Variants in LARS1 observed in about 807,000 individuals in gnomAD.
The protein encoded by LARS1 is leucine--tRNA ligase, cytoplasmic.
A neutral mutation model predicts 162.8 loss-of-function variants in LARS1; 100 were observed. The ratio of observed to expected loss-of-function variants is 0.61; its 90% CI spans 0.52 to 0.73. LARS1 has a LOEUF of 0.73. Ranked by LOEUF, LARS1 falls within the 30% of genes least tolerant of loss-of-function variation. The pLI, the probability that LARS1 is intolerant of heterozygous loss-of-function variation, is 0.00. For missense variants in LARS1, 1,258 were observed against 1,408.9 expected (o/e 0.89, Z 1.71); for synonymous variants, 457 against 462.8 (o/e 0.99, Z 0.16).
At chr5:146,147,019 C>A (rs1028381971) in intron 15 of LARS1, among the ~76,000 whole-genome samples, 3 of 151,954 alleles carry the variant, frequency 2.0e-5, no homozygotes, top group African/African-American at 7.3e-5. Flanking sequence ...GCCACCTAGA[C>A]CTTTTGAGCT....
At chr5:146,117,267 T>A (rs1469288768) in intron 31 of LARS1, among the ~76,000 whole-genome samples, 1 of 152,010 alleles carries the variant, frequency 6.6e-6, no homozygotes, top group African/African-American at 2.4e-5. Context: ...CATAATATAA[T>A]ACAATTTTCA....
intron 10 of LARS1, among the ~76,000 whole-genome samples, chr5:146,156,475 C>A (rs1389234201): frequency 6.6e-6 from 1 of 152,062 alleles, no homozygotes; most frequent in South Asian, 2.1e-4. Flanking sequence ...GGGTGGATCA[C>A]CCGAGGTCAG....
chr5:146,178,747 C>A (rs1210453031), intron 1 of LARS1, among the ~76,000 whole-genome samples: 2 of 152,150 alleles, frequency 1.3e-5, no homozygotes, highest in Non-Finnish European at 2.9e-5. Context: ...CTACTAACCA[C>A]CTTCATTTAG....
intron 27 of LARS1, among the ~76,000 whole-genome samples, chr5:146,126,877 T>C (rs767566750): frequency 4.6e-5 from 7 of 152,074 alleles, no homozygotes; most frequent in Admixed American, 2.6e-4. Context: ...CATATTAAAA[T>C]AAAAAATTAC....
chr5:146,128,303 A>G (rs1752124627), intron 27 of LARS1, among the ~76,000 whole-genome samples: 1 of 152,150 alleles, frequency 6.6e-6, no homozygotes, highest in Non-Finnish European at 1.5e-5. Context: ...ATGAATGAAT[A>G]TAATGAATGA....
intron 4 of LARS1, among the ~76,000 whole-genome samples, chr5:146,171,357 CAA>C (rs143170490): frequency 7.0e-6 from 1 of 143,006 alleles, no homozygotes; most frequent in Admixed American, 6.9e-5. Flanking sequence ...AACTCCGTCT[CAA>C]AAAAAAAATA....
intron 13 of LARS1, 145 bp downstream of exon 13, chr5:146,153,029 T>C: frequency 3.6e-6 from 2 of 562,800 alleles, no homozygotes; most frequent in Admixed American, 3.5e-5. Flanking sequence ...CCATAGCAGG[T>C]ATCAAATTAA....
intron 2 of LARS1, among the ~76,000 whole-genome samples, chr5:146,173,584 G>T (rs1241196590): frequency 6.7e-6 from 1 of 149,698 alleles, no homozygotes; most frequent in African/African-American, 2.5e-5. Flanking sequence ...TAAAGACAGG[G>T]TTCTCAATAT....
intron 10 of LARS1, among the ~76,000 whole-genome samples, chr5:146,155,097 G>A (rs1006019620): frequency 1.3e-5 from 2 of 151,924 alleles, no homozygotes; most frequent in African/African-American, 2.4e-5. Context: ...GGTGATCCAC[G>A]CACCTCTGCC....
Position 146,172,975 on chromosome 5 carries a change from T to C in LARS1, c.126-201A>G, listed in dbSNP as rs1018088390. On this transcript the variant is annotated intron_variant, in intron 2 of 31. Coordinates refer to ENST00000394434, the MANE Select transcript of LARS1 (RefSeq NM_020117.11). ...CTTTAGATTTACAAGAAATAAGACA[T>C]TGATAGGTTGCTATTAAGAATTAAA... Among the ~76,000 whole-genome samples the C allele has an allele frequency of 4.6e-5, 7 of 152,182 alleles. No individual in the cohort carries two copies. In the East Asian group the frequency reaches 7.7e-4, roughly 17 times the overall value.
intron 15 of LARS1, among the ~76,000 whole-genome samples, chr5:146,147,953 A>T (rs575710001): frequency 4.5e-4 from 68 of 152,340 alleles, no homozygotes; most frequent in African/African-American, 1.6e-3. Flanking sequence ...CAAAAACATC[A>T]GTCACTACCA....
chr5:146,153,409 T>G lies in LARS1; in HGVS notation c.1231-182A>C, dbSNP rs577520964. 1.3e-4 allele frequency among the ~76,000 whole-genome samples: 20 copies of G among 152,280 alleles called. No individual in the cohort carries two copies. In the South Asian group the frequency reaches 4.1e-3, roughly 32 times the overall value. ...AAAGGGATCTGTAACCTTCAAAAATTTAATAGCTAAAGTTATAGTGAATAG... is the reference window on the plus strand; with the variant it reads ...AAAGGGATCTGTAACCTTCAAAAATGTAATAGCTAAAGTTATAGTGAATAG... On this transcript the variant is annotated intron_variant, in intron 12 of 31. Transcript: ENST00000394434.
intron 6 of LARS1, among the ~76,000 whole-genome samples, chr5:146,162,782 C>G (rs1348068873): frequency 6.6e-6 from 1 of 152,194 alleles, no homozygotes; most frequent in African/African-American, 2.4e-5. Flanking sequence ...TTAGCTAGAT[C>G]CCCTAAATAA....
chr5:146,151,368 T>C (rs1753281654), intron 14 of LARS1, among the ~76,000 whole-genome samples: 1 of 152,220 alleles, frequency 6.6e-6, no homozygotes, highest in Non-Finnish European at 1.5e-5. Context: ...TAGCCTAGCC[T>C]TCTTTCCATG....
At chr5:146,159,943 G>C (rs966676180) in intron 7 of LARS1, among the ~76,000 whole-genome samples, 1 of 151,942 alleles carries the variant, frequency 6.6e-6, no homozygotes, top group Admixed American at 6.6e-5. Context: ...ATAATCTTTA[G>C]TAAGATAATA....
intron 23 of LARS1, 59 bp downstream of exon 23, chr5:146,132,839 A>G (rs2126432613): frequency 3.0e-6 from 4 of 1,333,388 alleles, no homozygotes; most frequent in Non-Finnish European, 4.1e-6. Context: ...AAAAGAAAAC[A>G]AAAATGCACC....
rs377020148 is a variant in LARS1 at position 146,174,501 on chromosome 5, C to CAT, written c.126-1729_126-1728dup. 8.8e-3 allele frequency among the ~76,000 whole-genome samples: 195 copies of CAT among 22,184 alleles called. 5 individuals are homozygous for CAT. The highest frequency in any genetic ancestry group is 0.04 in the African/African-American group (187 of 4,722). 14.6% of individuals were successfully genotyped at this position (22,184 alleles called of 152,430 possible). A position where few individuals can be genotyped will look rare whatever the true frequency, so the allele number is the denominator to read the frequency against. Reference sequence around the variant, plus strand: ...ATATATATCCATATATATATATATCCATATATATATATATATATCCATATA... The same window carrying CAT: ...ATATATATCCATATATATATATATCCATATATATATATATATATATCCATATA... On this transcript the variant is annotated intron_variant, in intron 2 of 31. Coordinates refer to ENST00000394434, the MANE Select transcript of LARS1 (RefSeq NM_020117.11).
Position 146,122,597 on chromosome 5 carries a change from C to CG in LARS1, c.3097-11dup. On this transcript the variant is annotated splice_polypyrimidine_tract_variant and intron_variant, in intron 29 of 31. Transcript: ENST00000394434. ...CTTCTATGTGTTCTAGCTAAACAGACGGGAAAAAATGGAAGTTATTAGTAT... is the reference window on the plus strand; with the variant it reads ...CTTCTATGTGTTCTAGCTAAACAGACGGGGAAAAAATGGAAGTTATTAGTAT... The CG allele has an allele frequency of 6.5e-7, 1 of 1,538,026 alleles. No individual in the cohort carries two copies. Among genetic ancestry groups the CG allele is most frequent in the Non-Finnish European group, 8.9e-7 (1 of 1,120,322 alleles).
intron 6 of LARS1, among the ~76,000 whole-genome samples, chr5:146,161,172 T>A (rs1215968265): frequency 6.6e-6 from 1 of 152,236 alleles, no homozygotes; most frequent in African/African-American, 2.4e-5. Flanking sequence ...ACCTTAATTT[T>A]AAAATACATC....
Sources: allele counts gnomAD v4.1 joint callset (sites outside exome capture counted in the v4.1 genomes callset), GRCh38; gene constraint gnomAD v4.1.1; transcripts MANE v1.5; gene names NCBI Gene and HGNC (gene_info 2026-07-23, HGNC 2026-07-21).